The following BCL11A variants were observed in gnomAD, a reference collection of about 807,000 sequenced individuals.
BCL11A encodes the protein BCL11 transcription factor A.
BCL11A carries 2 observed loss-of-function variants against 55.9 expected under a neutral mutation model. The observed-to-expected ratio is 0.04, with a 90% CI of 0.01 to 0.11. The LOEUF (loss-of-function observed/expected upper bound fraction) is 0.11. Ranked by LOEUF, BCL11A falls within the 10% of genes least tolerant of loss-of-function variation. BCL11A has a pLI of 1.00. For synonymous variants in BCL11A, 465 were observed against 473.4 expected (o/e 0.98, Z 0.23); for missense variants, 817 against 1,137.1 (o/e 0.72, Z 4.05).
At chr2:60,469,321 A>G (rs943090631) in intron 2 of BCL11A, among the ~76,000 whole-genome samples, 1 of 151,724 alleles carries the variant, frequency 6.6e-6, no homozygotes, top group African/African-American at 2.4e-5. Flanking sequence ...TATGGGACAG[A>G]GTCCCACTTT....
chr2:60,550,282 C>T (rs1355107146), intron 1 of BCL11A, among the ~76,000 whole-genome samples: 1 of 152,186 alleles, frequency 6.6e-6, no homozygotes, highest in Non-Finnish European at 1.5e-5. Flanking sequence ...GGGTGTCGGC[C>T]GCGCGCCCGG....
chr2:60,459,488 TA>T lies in BCL11A; in HGVS notation c.*915del. The stretch of plus-strand genomic sequence containing the variant: ...GTATAATCAGTTTTGTTTATAAAAT[TA>T]AACTAAAGGAAAAATGATGATTAAC... On this transcript the variant is annotated 3_prime_UTR_variant, in exon 4 of 4. Coordinates refer to ENST00000642384, the MANE Select transcript of BCL11A (RefSeq NM_022893.4). 9.8e-7 allele frequency: 1 copy of T among 1,021,158 alleles called. No individual in the cohort carries two copies. Among genetic ancestry groups the T allele is most frequent in the Non-Finnish European group, 1.2e-6 (1 of 850,694 alleles). The allele number at this position is 1,021,158 out of a possible 1,614,324, so 63.3% of individuals were successfully genotyped here.
In BCL11A at chr2:60,467,876, A is replaced by G. The variant is rs1244589116; in HGVS notation, c.487+856T>C. 7.5e-4 allele frequency among the ~76,000 whole-genome samples: 23 copies of G among 30,838 alleles called. No individual in the cohort carries two copies. The South Asian group carries it at 0.013, about 17-fold the overall frequency. 20.2% of individuals were successfully genotyped at this position (30,838 alleles called of 152,430 possible). On this transcript the variant is annotated intron_variant, in intron 3 of 3. Transcript: ENST00000642384. ...ACTGGTGGTGATGGTACTGGTGGTGATGGTGGTGGTGGTAGTGATGGTGGT... is the reference window on the plus strand; with the variant it reads ...ACTGGTGGTGATGGTACTGGTGGTGGTGGTGGTGGTGGTAGTGATGGTGGT...
intron 2 of BCL11A, among the ~76,000 whole-genome samples, chr2:60,470,162 T>TA (rs754405817): frequency 4.6e-5 from 7 of 152,104 alleles, no homozygotes; most frequent in Non-Finnish European, 7.4e-5. Context: ...GGTCTGCTGT[T>TA]ACCAGGCCTG....
At chr2:60,507,285 A>C in intron 2 of BCL11A, among the ~76,000 whole-genome samples, 1 of 838 alleles carries the variant, frequency 1.2e-3, no homozygotes, top group Non-Finnish European at 2.2e-3. Context: ...AGGGGAGGGG[A>C]GGGGAGGGGA....
intron 2 of BCL11A, chr2:60,525,405 G>C (rs1355229029): frequency 2.6e-5 from 4 of 152,152 alleles, no homozygotes; most frequent in African/African-American, 9.7e-5. Flanking sequence ...CTTCAATTTT[G>C]CTTCCAGCAA....
chr2:60,452,877 T>G, downstream of BCL11A: 1 of 491,976 alleles, frequency 2.0e-6, no homozygotes, highest in Non-Finnish European at 3.7e-6. Context: ...CCTCCCTCCC[T>G]TCCGTCCCCC....
intron 2 of BCL11A, among the ~76,000 whole-genome samples, chr2:60,514,911 A>T (rs1668664360): frequency 2.0e-5 from 3 of 151,656 alleles, no homozygotes; most frequent in Non-Finnish European, 1.5e-5. Context: ...AGAGAGAGAG[A>T]GAATCACCTT....
intron 1 of BCL11A, among the ~76,000 whole-genome samples, chr2:60,552,714 C>T (rs1670471199): frequency 6.6e-6 from 1 of 152,140 alleles, no homozygotes; most frequent in African/African-American, 2.4e-5. Context: ...AAGCCAGTCT[C>T]ACCTCTTTTC....
Position 60,552,891 on chromosome 2 carries a change from GC to G in BCL11A, c.55+324del, listed in dbSNP as rs1268303307. Among the ~76,000 whole-genome samples the G allele has an allele frequency of 6.9e-3, 1,020 of 147,036 alleles. 15 individuals carry two copies. The highest frequency in any genetic ancestry group is 0.024 in the African/African-American group (946 of 39,646). On this transcript the variant is annotated intron_variant, in intron 1 of 3. Coordinates refer to ENST00000642384, the MANE Select transcript of BCL11A (RefSeq NM_022893.4). ...TTCATTATTTTGCAAAACTGGCGGG[GC>G]GGGGGGGGAGTGGAATCATTGCATT...
downstream of BCL11A, chr2:60,452,680 G>A: frequency 6.3e-7 from 1 of 1,590,788 alleles, no homozygotes; most frequent in Non-Finnish European, 8.6e-7. Flanking sequence ...GAAAGAGGTT[G>A]GAGACAGAGG....
chr2:60,497,145 G>C (rs1325302730), intron 2 of BCL11A, among the ~76,000 whole-genome samples: 2 of 152,204 alleles, frequency 1.3e-5, no homozygotes, highest in Non-Finnish European at 2.9e-5. Flanking sequence ...GCTAGAGCTA[G>C]AGCTAGAGCT....
chr2:60,519,960 C>G (rs1250496727), intron 2 of BCL11A, among the ~76,000 whole-genome samples: 2 of 152,204 alleles, frequency 1.3e-5, no homozygotes, highest in African/African-American at 2.4e-5. Context: ...TAGTTATTCT[C>G]CCCTCTCTCT....
Position 60,460,779 on chromosome 2 carries a change from C to A in BCL11A, c.2133G>T (p.Ser711=), listed in dbSNP as rs1178178293. Reference sequence around the variant, plus strand: ...CTCCACTTCCCGTGCCGCTGCGCCCCGAGATCCCTCCGTCCAGCTCCCCGG... The same window carrying A: ...CTCCACTTCCCGTGCCGCTGCGCCCAGAGATCCCTCCGTCCAGCTCCCCGG... ...TPPGELDGGI[S]GRSGTGSGGS... The change falls in exon 4 of 4, where the codon TCG becomes TCT. Residue 711 remains serine, a synonymous_variant. Coordinates refer to ENST00000642384, the MANE Select transcript of BCL11A (RefSeq NM_022893.4). 7 of 1,613,226 alleles carry A rather than the reference C, an allele frequency of 4.3e-6. No individual in the cohort carries two copies. Among genetic ancestry groups the A allele is most frequent in the Non-Finnish European group, 5.9e-6 (7 of 1,180,046 alleles).
intron 2 of BCL11A, among the ~76,000 whole-genome samples, chr2:60,503,306 G>C (rs779672760): frequency 6.6e-6 from 1 of 152,164 alleles, no homozygotes; most frequent in Non-Finnish European, 1.5e-5. Flanking sequence ...AAAGGCAGGT[G>C]GCTGCAAGGA....
intron 1 of BCL11A, among the ~76,000 whole-genome samples, chr2:60,547,511 CA>C (rs35182373): frequency 0.18 from 20,155 of 114,460 alleles, 1,853 homozygotes; most frequent in African/African-American, 0.31. Flanking sequence ...CTTGCTCTAT[CA>C]AAAAAAAAAA....
intron 3 of BCL11A, among the ~76,000 whole-genome samples, chr2:60,465,836 G>A (rs1160151334): frequency 1.3e-5 from 2 of 152,194 alleles, no homozygotes; most frequent in Non-Finnish European, 2.9e-5. Context: ...ATTACTGAGG[G>A]TAATGACTAA....
chr2:60,483,626 G>A (rs1480849616), intron 2 of BCL11A, among the ~76,000 whole-genome samples: 1 of 152,198 alleles, frequency 6.6e-6, no homozygotes, highest in African/African-American at 2.4e-5. Context: ...ACTCAAGAGA[G>A]GATGCTCGTC....
chr2:60,494,229 T>C (rs1448128312), intron 2 of BCL11A, among the ~76,000 whole-genome samples: 1 of 151,966 alleles, frequency 6.6e-6, no homozygotes, highest in Admixed American at 6.6e-5. Context: ...TGAGAGAGGG[T>C]GATGCTGACA....
Sources: gnomAD v4.1 joint callset for allele counts (sites outside exome capture counted in the v4.1 genomes callset) on GRCh38, gnomAD v4.1.1 for gene constraint, MANE v1.5 for transcripts, NCBI Gene and HGNC (gene_info 2026-07-23, HGNC 2026-07-21) for gene names.